TTLL11: variants seen among roughly 807,000 people sequenced by gnomAD.
The protein encoded by TTLL11 is tubulin tyrosine ligase like 11.
TTLL11 carries 42 observed loss-of-function variants against 51.7 expected under a neutral mutation model. The ratio of observed to expected loss-of-function variants is 0.81; its 90% CI spans 0.64 to 1.05. The LOEUF is 1.05. TTLL11 is among the 50% of genes least tolerant of loss of function. The pLI is 0.00. For missense variants in TTLL11, 799 were observed against 940.4 expected (o/e 0.85, Z 1.97); for synonymous variants, 381 against 383.5 (o/e 0.99, Z 0.08).
At chr9:121,913,418 C>CT (rs1840216479) in intron 6 of TTLL11, among the ~76,000 whole-genome samples, 1 of 152,218 alleles carries the variant, frequency 6.6e-6, no homozygotes, top group Admixed American at 6.5e-5. Flanking sequence ...CTCTGCCACT[C>CT]TGTCAGTGTG....
chr9:121,942,530 G>A (rs1050316680), intron 6 of TTLL11, among the ~76,000 whole-genome samples: 5 of 151,880 alleles, frequency 3.3e-5, no homozygotes, highest in Admixed American at 6.6e-5. Flanking sequence ...AAGAGTGCCC[G>A]GTACACAGTG....
At chr9:121,917,475 AGAAAGAAAAGAAAAG>A (rs140393467) in intron 6 of TTLL11, among the ~76,000 whole-genome samples, 1 of 136,626 alleles carries the variant, frequency 7.3e-6, no homozygotes, top group Non-Finnish European at 1.5e-5. Context: ...CACTGTTGAA[AGAAAGAAAAGAAAAG>A]GAAAGAAAAG....
chr9:121,993,601 G>A (rs1357377399), intron 3 of TTLL11, among the ~76,000 whole-genome samples: 2 of 152,220 alleles, frequency 1.3e-5, no homozygotes, highest in Admixed American at 6.5e-5. Context: ...CATTCATCAC[G>A]TCGGAGAGTT....
chr9:121,969,825 A>T (rs36028857), intron 6 of TTLL11, among the ~76,000 whole-genome samples: 386 of 152,366 alleles, frequency 2.5e-3, no homozygotes, highest in Non-Finnish European at 4.5e-3. Flanking sequence ...AGGATTCAGC[A>T]CTACAACACT....
At chr9:121,968,752 G>T (rs181149643) in intron 6 of TTLL11, among the ~76,000 whole-genome samples, 1 of 151,404 alleles carries the variant, frequency 6.6e-6, no homozygotes, top group Non-Finnish European at 1.5e-5. Flanking sequence ...GTAGAGACAG[G>T]GTTTCACCAT....
chr9:122,023,459 T>G (rs968323161), intron 3 of TTLL11, among the ~76,000 whole-genome samples: 3 of 151,894 alleles, frequency 2.0e-5, no homozygotes, highest in Non-Finnish European at 2.9e-5. Context: ...GCCAGCATTA[T>G]CCTGATAACG....
At chr9:121,986,343 C>T (rs1235094751) in intron 4 of TTLL11, among the ~76,000 whole-genome samples, 1 of 152,178 alleles carries the variant, frequency 6.6e-6, no homozygotes, top group East Asian at 1.9e-4. Context: ...CTCTGCATGC[C>T]GGGCCCACAT....
In TTLL11 at chr9:122,092,967, T is replaced by C; in HGVS notation, c.182A>G (p.Lys61Arg). 1 of 1,576,946 alleles carries C rather than the reference T, an allele frequency of 6.3e-7. No homozygotes were observed. The highest frequency in any genetic ancestry group is 8.5e-7 in the Non-Finnish European group (1 of 1,170,212). Residue 61 changes from lysine (K) to arginine (R), a missense_variant, in exon 1 of 9, where the codon AAG (lysine) becomes AGG (arginine). This residue lies in a region of TTLL11 where 166 missense variants were observed against 161.6 expected (regional missense o/e 1.03). Coordinates refer to ENST00000321582, the MANE Select transcript of TTLL11 (RefSeq NM_001139442.2). ...PECKAGEEQP[K>R]VLAPAPAQPS... ...CTGCGCCGGGGCCGGGGCCAGGACC[T>C]TGGGCTGCTCCTCCCCTGCCTTGCA...
chr9:121,962,957 G>A (rs1181817151), intron 6 of TTLL11, among the ~76,000 whole-genome samples: 5 of 152,206 alleles, frequency 3.3e-5, no homozygotes, highest in Non-Finnish European at 5.9e-5. Flanking sequence ...GAATGCTAAC[G>A]CCTTGCAGGC....
chr9:122,055,084 G>A (rs1445535141), intron 1 of TTLL11, among the ~76,000 whole-genome samples: 2 of 152,136 alleles, frequency 1.3e-5, no homozygotes, highest in Non-Finnish European at 2.9e-5. Context: ...CTCTGAGCCA[G>A]GCAGTATGCT....
In TTLL11 at chr9:122,093,115, C is replaced by T. The variant is rs1445825806; in HGVS notation, c.34G>A (p.Ala12Thr). The T allele has an allele frequency of 2.6e-5, 39 of 1,495,416 alleles. No homozygotes were observed. The highest frequency in any genetic ancestry group is 3.4e-5 in the Non-Finnish European group (38 of 1,129,450). The allele number at this position is 1,495,416 out of a possible 1,614,324, so 92.6% of individuals were successfully genotyped here. A position where few individuals can be genotyped will look rare whatever the true frequency, so the allele number is the denominator to read the frequency against. Residue 12 changes from alanine to threonine, a missense_variant, in exon 1 of 9, where the codon GCC (alanine) becomes ACC (threonine). Physicochemically the swap from Ala to Thr is moderately conservative, Grantham distance 58. Transcript: ENST00000321582. Reference protein sequence around the residue: ...RRGSSESELAARWEAEAVAAA... With the variant: ...RRGSSESELATRWEAEAVAAA... ...GCCACCGCCTCCGCCTCCCACCGGG[C>T]CGCCAGCTCGCTCTCGGAGCTGCCC... is the stretch of plus-strand genomic sequence containing the variant.
intron 6 of TTLL11, among the ~76,000 whole-genome samples, chr9:121,948,183 A>T (rs1264932629): frequency 6.6e-6 from 1 of 152,154 alleles, no homozygotes; most frequent in South Asian, 2.1e-4. Context: ...GAACATAGAG[A>T]TGTAGATAGC....
intron 1 of TTLL11, among the ~76,000 whole-genome samples, chr9:122,068,671 C>T (rs367650266): frequency 5.9e-5 from 9 of 152,080 alleles, no homozygotes; most frequent in Non-Finnish European, 1.2e-4. Flanking sequence ...TGATTTTGGC[C>T]GACTCCAAAT....
chr9:121,975,087 C>G, intron 4 of TTLL11, 108 bp from the exon 5 acceptor site: 1 of 772,630 alleles, frequency 1.3e-6, no homozygotes, highest in Non-Finnish European at 1.9e-6. Context: ...GGCCTTGACC[C>G]TGGCTTCTCT....
intron 6 of TTLL11, among the ~76,000 whole-genome samples, chr9:121,955,179 C>T (rs942937208): frequency 2.6e-5 from 4 of 152,146 alleles, no homozygotes; most frequent in East Asian, 1.9e-4. Context: ...ATACGAGCAC[C>T]GTTGGTTTAC....
intron 4 of TTLL11, among the ~76,000 whole-genome samples, chr9:121,977,676 AT>A (rs56249470): frequency 0.89 from 121,398 of 136,460 alleles, 54,355 homozygotes; most frequent in Non-Finnish European, 0.96. Context: ...ATTTAATTTA[AT>A]TTTTTTTTTT....
intron 4 of TTLL11, among the ~76,000 whole-genome samples, chr9:121,984,349 A>C (rs1009304338): frequency 6.6e-6 from 1 of 152,244 alleles, no homozygotes; most frequent in Non-Finnish European, 1.5e-5. Context: ...TGGAATAAAC[A>C]TAAAAACTGT....
rs1365018998 is a variant in TTLL11 at position 122,075,253 on chromosome 9, C to G, written c.462+17434G>C. On this transcript the variant is annotated intron_variant, in intron 1 of 8. Coordinates refer to ENST00000321582, the MANE Select transcript of TTLL11 (RefSeq NM_001139442.2). The stretch of plus-strand genomic sequence containing the variant: ...GTCCCTTTTTCTAATTCACACAAAA[C>G]ATGATGGGCGAGTAGGGATCACAGG... Among the ~76,000 whole-genome samples the G allele has an allele frequency of 7.9e-5, 12 of 152,328 alleles. No homozygotes were observed. In the East Asian group the frequency reaches 2.3e-3, roughly 29 times the overall value.
chr9:121,959,489 A>C (rs970892391), intron 6 of TTLL11, among the ~76,000 whole-genome samples: 3 of 152,158 alleles, frequency 2.0e-5, no homozygotes, highest in Admixed American at 2.0e-4. Context: ...GCAGCCACCC[A>C]GTTGCTGAAC....
Sources: allele counts gnomAD v4.1 joint callset (sites outside exome capture counted in the v4.1 genomes callset), GRCh38; gene constraint gnomAD v4.1.1; regional missense constraint gnomAD v4.1.1; transcripts MANE v1.5; gene names NCBI Gene and HGNC (gene_info 2026-07-23, HGNC 2026-07-21).